UBR3: variants seen among roughly 807,000 people sequenced by gnomAD.
The protein encoded by UBR3 is E3 ubiquitin-protein ligase UBR3.
Under a neutral mutation model 243.2 loss-of-function variants are expected in UBR3, and 85 were observed. The ratio of observed to expected loss-of-function variants is 0.35; its 90% CI spans 0.29 to 0.42. The LOEUF (loss-of-function observed/expected upper bound fraction) is 0.42. UBR3 is among the 10% of genes least tolerant of loss of function. The pLI is 1.00. For missense variants in UBR3, 1,686 were observed against 2,300.8 expected, an observed-to-expected ratio of 0.73 and a Z score of 5.47; for synonymous variants, 748 against 799.8, an observed-to-expected ratio of 0.94 and a Z score of 1.09.
At position 170,082,194 on chromosome 2, in the gene UBR3, C is replaced by G. The variant is rs2091918720; in HGVS notation, c.*351C>G. ...CTTAGAGTGGGTGTGATTTATTTGACATTTTACTGCTTCTTTCTGTCTGTG... is the reference window on the plus strand; with the variant it reads ...CTTAGAGTGGGTGTGATTTATTTGAGATTTTACTGCTTCTTTCTGTCTGTG... On this transcript the variant is annotated 3_prime_UTR_variant, in exon 39 of 39. Coordinates refer to ENST00000272793, the MANE Select transcript of UBR3 (RefSeq NM_172070.4). 1 of 170,414 alleles carries G rather than the reference C, an allele frequency of 5.9e-6. No homozygotes were observed. Among genetic ancestry groups the G allele is most frequent in the African/African-American group, 2.4e-5 (1 of 42,306 alleles). 10.6% of individuals were successfully genotyped at this position (170,414 alleles called of 1,614,324 possible).
At chr2:170,040,634 T>C (rs1205158426) in intron 31 of UBR3, among the ~76,000 whole-genome samples, 1 of 152,214 alleles carries the variant, frequency 6.6e-6, no homozygotes, top group Non-Finnish European at 1.5e-5. Flanking sequence ...CAAGTTAATG[T>C]ATCCTAATTG....
chr2:170,011,047 C>A (rs1179864185), intron 29 of UBR3, among the ~76,000 whole-genome samples: 1 of 152,032 alleles, frequency 6.6e-6, no homozygotes, highest in Non-Finnish European at 1.5e-5. Context: ...CATCTGTAGT[C>A]CCAGCTACTT....
At chr2:169,932,840 A>T (rs2086188523) in intron 18 of UBR3, 72 bp from the exon 19 acceptor site, 1 of 1,254,726 alleles carries the variant, frequency 8.0e-7, no homozygotes, top group African/African-American at 1.5e-5. Context: ...TATACTTAAC[A>T]AATGTAATAA....
At chr2:170,019,697 T>C (rs2090337712) in intron 30 of UBR3, among the ~76,000 whole-genome samples, 3 of 152,054 alleles carry the variant, frequency 2.0e-5, no homozygotes, top group Non-Finnish European at 2.9e-5. Context: ...AAAAAAATTA[T>C]AGAAAATTAT....
Position 169,906,161 on chromosome 2 carries a change from T to C in UBR3, c.1776T>C (p.Val592=), listed in dbSNP as rs1459732805. ...PMWGLLSHCK[V]RETQEYTRNV... ...GGGGGCTTTTATCACATTGTAAAGTTAGGGTATGTTGGAAATATTTTTGTT... is the reference window on the plus strand; with the variant it reads ...GGGGGCTTTTATCACATTGTAAAGTCAGGGTATGTTGGAAATATTTTTGTT... Residue 592 remains valine, a synonymous_variant, in exon 10 of 39, where the codon GTT becomes GTC. Coordinates refer to ENST00000272793, the MANE Select transcript of UBR3 (RefSeq NM_172070.4). 2.6e-6 allele frequency: 4 copies of C among 1,529,626 alleles called. No individual in the cohort carries two copies. Among genetic ancestry groups the C allele is most frequent in the Non-Finnish European group, 3.5e-6 (4 of 1,141,452 alleles). 94.8% of individuals were successfully genotyped at this position (1,529,626 alleles called of 1,614,324 possible).
intron 38 of UBR3, among the ~76,000 whole-genome samples, chr2:170,081,524 A>G (rs546483392): frequency 6.6e-6 from 1 of 151,976 alleles, no homozygotes; most frequent in East Asian, 1.9e-4. Flanking sequence ...TAAATAAAAA[A>G]TAAAAAAATA....
chr2:169,975,787 G>T (rs1235716600), intron 24 of UBR3, among the ~76,000 whole-genome samples: 1 of 151,944 alleles, frequency 6.6e-6, no homozygotes, highest in Non-Finnish European at 1.5e-5. Flanking sequence ...CAAGAGAGCA[G>T]CAAGACTCTG....
Position 169,942,653 on chromosome 2 carries a change from T to C in UBR3, c.2805+19T>C. ...TTACAAGGTACAGTAGTAATTTGAA[T>C]AGAAAGACTAAGCTTAGAATTTATT... is the stretch of plus-strand genomic sequence containing the variant. On this transcript the variant is annotated intron_variant, in intron 20 of 38. Transcript: ENST00000272793. 1 of 1,486,932 alleles carries C rather than the reference T, an allele frequency of 6.7e-7. No homozygotes were observed. The highest frequency in any genetic ancestry group is 8.9e-7 in the Non-Finnish European group (1 of 1,122,504). 92.1% of individuals were successfully genotyped at this position (1,486,932 alleles called of 1,614,324 possible). A position where few individuals can be genotyped will look rare whatever the true frequency, so the allele number is the denominator to read the frequency against.
intron 1 of UBR3, among the ~76,000 whole-genome samples, chr2:169,832,377 C>T (rs1363932686): frequency 6.6e-6 from 1 of 151,544 alleles, no homozygotes; most frequent in Non-Finnish European, 1.5e-5. Context: ...GGTGAAACCC[C>T]GTCTCTACTA....
intron 31 of UBR3, among the ~76,000 whole-genome samples, chr2:170,035,919 G>A (rs60238058): frequency 0.059 from 7,555 of 128,554 alleles, 566 homozygotes; most frequent in African/African-American, 0.15. Context: ...TTGGGGGGGG[G>A]GTTGCTAATT....
intron 5 of UBR3, among the ~76,000 whole-genome samples, chr2:169,885,104 A>T (rs1368231788): frequency 6.6e-6 from 1 of 152,248 alleles, no homozygotes; most frequent in Non-Finnish European, 1.5e-5. Context: ...AATATAGTGA[A>T]GAGCTAGGTA....
At chr2:170,068,008 G>C (rs945110926) in intron 35 of UBR3, among the ~76,000 whole-genome samples, 1 of 151,822 alleles carries the variant, frequency 6.6e-6, no homozygotes, top group African/African-American at 2.4e-5. Context: ...GACCTCAAGT[G>C]ATCCATCCAC....
chr2:169,938,793 G>A (rs934757838), intron 19 of UBR3, among the ~76,000 whole-genome samples: 11 of 152,060 alleles, frequency 7.2e-5, no homozygotes, highest in African/African-American at 2.7e-4. Context: ...TAAAGCTGAA[G>A]CTTTTACATC....
intron 31 of UBR3, among the ~76,000 whole-genome samples, chr2:170,033,941 T>C (rs1031381532): frequency 6.6e-6 from 1 of 151,832 alleles, no homozygotes; most frequent in African/African-American, 2.4e-5. Context: ...TTTTATAATC[T>C]GGATTTAAAA....
At chr2:169,997,397 G>C (rs1212893787) in intron 26 of UBR3, among the ~76,000 whole-genome samples, 2 of 152,114 alleles carry the variant, frequency 1.3e-5, no homozygotes, top group Admixed American at 6.5e-5. Context: ...CAAATGAGGG[G>C]GATGCAGTGG....
intron 35 of UBR3, among the ~76,000 whole-genome samples, chr2:170,066,969 T>TAAC (rs746793372): frequency 8.4e-4 from 86 of 102,244 alleles, no homozygotes; most frequent in African/African-American, 4.1e-3. Context: ...GTCTCTAAAA[T>TAAC]AATAATAATA....
intron 5 of UBR3, among the ~76,000 whole-genome samples, chr2:169,886,543 T>A (rs1195897828): frequency 2.6e-5 from 4 of 152,216 alleles, no homozygotes. Context: ...CTTTTAGATA[T>A]TAATATTTTC....
At chr2:170,009,274 G>A (rs1041533942) in intron 29 of UBR3, among the ~76,000 whole-genome samples, 2 of 152,048 alleles carry the variant, frequency 1.3e-5, no homozygotes, top group Non-Finnish European at 2.9e-5. Context: ...GAACTAAAAC[G>A]TTGTAATATG....
chr2:170,034,381 C>G (rs973438406), intron 31 of UBR3, among the ~76,000 whole-genome samples: 1 of 152,008 alleles, frequency 6.6e-6, no homozygotes, highest in Non-Finnish European at 1.5e-5. Flanking sequence ...TCTTTTTACT[C>G]TCTCCATAAT....
Sources: gnomAD v4.1 joint callset for allele counts (sites outside exome capture counted in the v4.1 genomes callset) on GRCh38, gnomAD v4.1.1 for gene constraint, MANE v1.5 for transcripts, NCBI Gene and HGNC (gene_info 2026-07-23, HGNC 2026-07-21) for gene names.